PHACTR2: variants seen among roughly 807,000 people sequenced by gnomAD.
PHACTR2 encodes the protein chromosome 6 open reading frame 56.
Under a neutral mutation model 76.0 loss-of-function variants are expected in PHACTR2, and 30 were observed. The observed-to-expected ratio is 0.39, with a 90% CI of 0.30 to 0.54. The LOEUF (loss-of-function observed/expected upper bound fraction) is 0.54, where lower values mean the gene tolerates loss of function less well. Ranked by LOEUF, PHACTR2 falls within the 20% of genes least tolerant of loss-of-function variation. PHACTR2 has a pLI of 0.61. For missense variants in PHACTR2, 696 were observed against 781.1 expected, an observed-to-expected ratio of 0.89 and a Z score of 1.30; for synonymous variants, 292 against 292.5, an observed-to-expected ratio of 1.00 and a Z score of 0.02.
Position 143,678,068 on chromosome 6 carries a change from G to C in PHACTR2, c.-96G>C. 6.5e-7 allele frequency: 1 copy of C among 1,539,652 alleles called. No homozygotes were observed. Among genetic ancestry groups the C allele is most frequent in the Non-Finnish European group, 8.8e-7 (1 of 1,142,036 alleles). On this transcript the variant is annotated 5_prime_UTR_variant, in exon 1 of 13. Transcript: ENST00000440869. The surrounding 1 kb of genome is among the most constrained non-coding windows in gnomAD (Gnocchi z 6.2). ...CCGGCGGGCCGCTCGGCACAGGCCG[G>C]GACATGAACGCCTGGAAGTCTGGCT...
At chr6:143,745,833 G>C (rs1164373586) in intron 2 of PHACTR2, among the ~76,000 whole-genome samples, 2 of 152,366 alleles carry the variant, frequency 1.3e-5, no homozygotes, top group East Asian at 3.9e-4. Context: ...CCTGTTTATA[G>C]GAGGTAGAGC....
rs1781126643 is a variant in PHACTR2, at chr6:143,537,289, C to T, written c.217+82C>T. On this transcript the variant is annotated intron_variant, in intron 1 of 11. Coordinates refer to the PHACTR2 transcript ENST00000367584. This position sits in a 1 kb window ranked among gnomAD's most constrained non-coding sequence, Gnocchi z 4.4. ...AGGGCGACGCGGCCAACCCGGGGCGCCCGCGGGCACTGGCCCGGCAGGCTG... is the reference window on the plus strand; with the variant it reads ...AGGGCGACGCGGCCAACCCGGGGCGTCCGCGGGCACTGGCCCGGCAGGCTG... The T allele has an allele frequency of 6.0e-6, 1 of 167,338 alleles. No individual in the cohort carries two copies. Among genetic ancestry groups the T allele is most frequent in the Admixed American group, 6.4e-5 (1 of 15,706 alleles). The allele number at this position is 167,338 out of a possible 1,614,324, so 10.4% of individuals were successfully genotyped here.
chr6:143,810,785 C>T (rs1161988416), intron 12 of PHACTR2, among the ~76,000 whole-genome samples: 2 of 151,406 alleles, frequency 1.3e-5, no homozygotes, highest in African/African-American at 4.9e-5. Flanking sequence ...TGAGGCATGG[C>T]TACACCACTG....
rs1262440456 is a variant in PHACTR2 at position 143,765,414 on chromosome 6, A to G, written c.848A>G (p.Lys283Arg). 1.2e-6 allele frequency: 2 copies of G among 1,614,130 alleles called. No individual in the cohort carries two copies. The highest frequency in any genetic ancestry group is 1.7e-6 in the Non-Finnish European group (2 of 1,180,056). The change falls in exon 6 of 13, where the codon AAG becomes AGG. Residue 283 changes from lysine (K) to arginine (R), a missense_variant. Transcript: ENST00000440869. The surrounding 1 kb of genome is among the most constrained non-coding windows in gnomAD (Gnocchi z 4.1). The part of the protein sequence containing the change: ...GTTKGKRKTD[K>R]QPITSHLSSD... ...ACCAAGGGCAAGAGAAAAACTGACA[A>G]GCAGCCAATAACTTCTCACCTGTCC...
chr6:143,698,283 GA>G lies in PHACTR2; in HGVS notation c.47-13731del, dbSNP rs1777817610. 6.6e-6 allele frequency among the ~76,000 whole-genome samples: 1 copy of G among 152,112 alleles called. No individual in the cohort carries two copies. The highest frequency in any genetic ancestry group is 1.5e-5 in the Non-Finnish European group (1 of 68,016). ...CATTTTAAAGAAAGAAACCAAAATA[GA>G]ACATCTCGCAAGTGGGGCATCCTCA... is the stretch of plus-strand genomic sequence containing the variant. On this transcript the variant is annotated intron_variant, in intron 1 of 12. Coordinates refer to ENST00000440869, the MANE Select transcript of PHACTR2 (RefSeq NM_001100164.2). This position sits in a 1 kb window ranked among gnomAD's most constrained non-coding sequence, Gnocchi z 4.3.
In PHACTR2 at chr6:143,656,849, A is replaced by G. The variant is rs983097988; in HGVS notation, c.13+48527A>G. On this transcript the variant is annotated intron_variant, in intron 1 of 11. Transcript: ENST00000305766. The surrounding 1 kb of genome is among the most constrained non-coding windows in gnomAD (Gnocchi z 5.3). ...TCCCAAACTTAGTTTCAAAAAAACT[A>G]TCTGCCAGGTTTCAAATGAACATAG... 2.0e-5 allele frequency among the ~76,000 whole-genome samples: 3 copies of G among 152,356 alleles called. No homozygotes were observed. Among genetic ancestry groups the G allele is most frequent in the Admixed American group, 6.5e-5 (1 of 15,308 alleles).
intron 1 of PHACTR2, among the ~76,000 whole-genome samples, chr6:143,706,189 G>T (rs1195550922): frequency 6.6e-6 from 1 of 152,142 alleles, no homozygotes; most frequent in African/African-American, 2.4e-5. Context: ...ACTACAAGAT[G>T]TTGCAGGGCT....
Position 143,546,357 on chromosome 6 carries a change from T to TA in PHACTR2, c.217+9165dup, listed in dbSNP as rs57905621. 4.5e-3 allele frequency among the ~76,000 whole-genome samples: 650 copies of TA among 143,132 alleles called. 1 individual carries two copies. Among genetic ancestry groups the TA allele is most frequent in the African/African-American group, 0.012 (473 of 38,728 alleles). 93.9% of individuals were successfully genotyped at this position (143,132 alleles called of 152,430 possible). On this transcript the variant is annotated intron_variant, in intron 1 of 11. Coordinates refer to the PHACTR2 transcript ENST00000367584. This position sits in a 1 kb window ranked among gnomAD's most constrained non-coding sequence, Gnocchi z 4.9. ...TCGTAACAGGAAGAAACTTGTGACT[T>TA]AAAAAAAAAAAAAAACATGTTATCT...
At chr6:143,694,672 G>A (rs1214528422) in intron 1 of PHACTR2, among the ~76,000 whole-genome samples, 1 of 152,208 alleles carries the variant, frequency 6.6e-6, no homozygotes, top group East Asian at 1.9e-4. Context: ...GAATAAGCGT[G>A]TTAAAGAAAG....
Position 143,774,268 on chromosome 6 carries a change from C to G in PHACTR2, c.1589+53C>G. ...TGACTAATTTGTATTTTTCTCCCTC[C>G]CAAAGCTTCCTACCTAACTGGGGTC... On this transcript the variant is annotated intron_variant, in intron 8 of 12. Coordinates refer to ENST00000440869, the MANE Select transcript of PHACTR2 (RefSeq NM_001100164.2). This position sits in a 1 kb window ranked among gnomAD's most constrained non-coding sequence, Gnocchi z 5.4. 7.0e-7 allele frequency: 1 copy of G among 1,433,940 alleles called. No individual in the cohort carries two copies. The allele number at this position is 1,433,940 out of a possible 1,614,324, so 88.8% of individuals were successfully genotyped here.
rs1476902634 is a variant in PHACTR2, at chr6:143,678,222, C to T, written c.46+13C>T. ...CAGCCCGGCAGCGGTGAGTCCGGGG[C>T]GCACGCGATGCGCTCCCGCCGCGCG... On this transcript the variant is annotated intron_variant, in intron 1 of 12. Transcript: ENST00000440869. The surrounding 1 kb of genome is among the most constrained non-coding windows in gnomAD (Gnocchi z 6.2). The T allele has an allele frequency of 6.0e-6, 9 of 1,496,478 alleles. No homozygotes were observed. The highest frequency in any genetic ancestry group is 2.3e-5 in the Admixed American group (1 of 43,208). 92.7% of individuals were successfully genotyped at this position (1,496,478 alleles called of 1,614,324 possible).
Position 143,806,974 on chromosome 6 carries a change from G to T in PHACTR2, c.1846-83G>T, listed in dbSNP as rs917357070. 1.3e-4 allele frequency: 86 copies of T among 646,666 alleles called. No homozygotes were observed. The African/African-American group carries it at 1.4e-3, about 11-fold the overall frequency. The allele number at this position is 646,666 out of a possible 1,614,324, so 40.1% of individuals were successfully genotyped here. On this transcript the variant is annotated intron_variant, in intron 11 of 12. Transcript: ENST00000440869. The surrounding 1 kb of genome is among the most constrained non-coding windows in gnomAD (Gnocchi z 5.8). The stretch of plus-strand genomic sequence containing the variant: ...TCTATCTCTTAAAAAAAAAAAAAAG[G>T]TCTGCTTCATTGATGCTGTATATAC...
chr6:143,812,059 C>A (rs572010194), intron 12 of PHACTR2, among the ~76,000 whole-genome samples: 18 of 152,278 alleles, frequency 1.2e-4, no homozygotes, highest in African/African-American at 4.1e-4. Context: ...AATCTGTGAA[C>A]TCCTTGCAGA....
rs1781172617 is a variant in PHACTR2, at chr6:143,541,711, C to T, written c.217+4504C>T. ...GAGTGGAAGTGAGAAATCTCGCATA[C>T]CTCAATGTACTATCAGTTCATATGC... On this transcript the variant is annotated intron_variant, in intron 1 of 11. Coordinates refer to the PHACTR2 transcript ENST00000367584. The surrounding 1 kb of genome is among the most constrained non-coding windows in gnomAD (Gnocchi z 5.3). Among the ~76,000 whole-genome samples, 1 of 152,174 alleles carries T rather than the reference C, an allele frequency of 6.6e-6. No homozygotes were observed. The highest frequency in any genetic ancestry group is 6.5e-5 in the Admixed American group (1 of 15,276).
chr6:143,701,159 G>T (rs1349365817), intron 1 of PHACTR2, among the ~76,000 whole-genome samples: 2 of 152,192 alleles, frequency 1.3e-5, no homozygotes, highest in African/African-American at 4.8e-5. Flanking sequence ...GAATCAGGAT[G>T]TCATGCAGCT....
At position 143,633,181 on chromosome 6, in the gene PHACTR2, C is replaced by A. The variant is rs1445199563; in HGVS notation, c.13+24859C>A. ...GTATATTTAGTTTTATAAGAAACTG[C>A]TAAACTGTCTTCCAAAGTGGCTGTA... On this transcript the variant is annotated intron_variant, in intron 1 of 11. Transcript: ENST00000305766. This position sits in a 1 kb window ranked among gnomAD's most constrained non-coding sequence, Gnocchi z 4.1. Among the ~76,000 whole-genome samples the A allele has an allele frequency of 6.6e-6, 1 of 152,192 alleles. No individual in the cohort carries two copies. Among genetic ancestry groups the A allele is most frequent in the Non-Finnish European group, 1.5e-5 (1 of 68,028 alleles).
intron 2 of PHACTR2, among the ~76,000 whole-genome samples, chr6:143,728,351 A>G (rs1468665066): frequency 1.3e-5 from 2 of 151,258 alleles, no homozygotes; most frequent in African/African-American, 4.9e-5. Flanking sequence ...AGCTGGGACT[A>G]CAGGCGCACA....
At chr6:143,632,266 G>T (rs1776375152) in intron 1 of PHACTR2, among the ~76,000 whole-genome samples, 1 of 152,100 alleles carries the variant, frequency 6.6e-6, no homozygotes, top group African/African-American at 2.4e-5. Context: ...TCTTTAGACT[G>T]CTTCTATTTG....
At chr6:143,560,519 G>A (rs1345208177) in intron 1 of PHACTR2, among the ~76,000 whole-genome samples, 1 of 152,178 alleles carries the variant, frequency 6.6e-6, no homozygotes, top group Non-Finnish European at 1.5e-5. Context: ...AGCTCTGAAT[G>A]AGACTCTACT....
Sources: allele counts gnomAD v4.1 joint callset (sites outside exome capture counted in the v4.1 genomes callset), GRCh38; gene constraint gnomAD v4.1.1; non-coding constraint Gnocchi (gnomAD v3.1); transcripts MANE v1.5; gene names NCBI Gene and HGNC (gene_info 2026-07-23, HGNC 2026-07-21).